Variants in DDX55 observed in about 807,000 individuals in gnomAD.
The protein encoded by DDX55 is DEAD-box helicase 55.
DDX55 carries 56 observed loss-of-function variants against 69.2 expected under a neutral mutation model. The ratio of observed to expected loss-of-function variants is 0.81; its 90% CI spans 0.65 to 1.01. DDX55 has a LOEUF of 1.01. DDX55 is among the 50% of genes least tolerant of loss of function. The probability of loss-of-function intolerance (pLI) is 0.00; values close to 1 mark genes in which losing one functional copy is unlikely to be tolerated. For synonymous variants in DDX55, 268 were observed against 273.1 expected, an observed-to-expected ratio of 0.98 and a Z score of 0.18; for missense variants, 720 against 745.1, an observed-to-expected ratio of 0.97 and a Z score of 0.39.
chr12:123,615,286 A>T lies in DDX55; in HGVS notation c.926A>T (p.Lys309Met), dbSNP rs1954570739. 1.2e-6 allele frequency: 2 copies of T among 1,614,082 alleles called. No individual in the cohort carries two copies. Among genetic ancestry groups the T allele is most frequent in the Non-Finnish European group, 1.7e-6 (2 of 1,179,964 alleles). ...GGAAAGATGAAATATAAACGCAATA[A>T]GATCTTCATGGAGTTCCGCAAATTG... ...IHGKMKYKRN[K>M]IFMEFRKLQS... Residue 309 changes from lysine to methionine, a missense_variant, in exon 9 of 14, where the codon AAG (lysine) becomes ATG (methionine). Coordinates refer to ENST00000238146, the MANE Select transcript of DDX55 (RefSeq NM_020936.3).
intron 11 of DDX55, chr12:123,618,463 T>C (rs973191496): frequency 1.6e-5 from 23 of 1,462,054 alleles, no homozygotes; most frequent in Non-Finnish European, 2.0e-5. Flanking sequence ...ATTAGGATTG[T>C]CATGTGAAAT....
At chr12:123,607,564 T>G (rs1953969319) in intron 4 of DDX55, 36 bp from the exon 5 acceptor site, 1 of 1,614,226 alleles carries the variant, frequency 6.2e-7, no homozygotes, top group Admixed American at 1.7e-5. Flanking sequence ...TGGGCTGTTT[T>G]GTCGAACTTA....
Position 123,620,579 on chromosome 12 carries a change from A to G in DDX55, c.*439A>G, listed in dbSNP as rs1320197006. 1 of 70,942 alleles carries G rather than the reference A, an allele frequency of 1.4e-5. No individual in the cohort carries two copies. The highest frequency in any genetic ancestry group is 1.8e-4 in the Admixed American group (1 of 5,710). The allele number at this position is 70,942 out of a possible 1,614,324, so 4.4% of individuals were successfully genotyped here. On this transcript the variant is annotated 3_prime_UTR_variant, in exon 14 of 14. Transcript: ENST00000238146. ...GGGTCACATATAGACATATGTACATATTATATATATATATATATATATATA... is the reference window on the plus strand; with the variant it reads ...GGGTCACATATAGACATATGTACATGTTATATATATATATATATATATATA...
In DDX55 at chr12:123,604,445, A is replaced by G. The variant is rs537764505; in HGVS notation, c.109-1486A>G. 1.1e-4 allele frequency among the ~76,000 whole-genome samples: 16 copies of G among 152,234 alleles called. 1 individual carries two copies. In the South Asian group the frequency reaches 3.3e-3, roughly 32 times the overall value. On this transcript the variant is annotated intron_variant, in intron 1 of 13. Transcript: ENST00000238146. Reference sequence around the variant, plus strand: ...GCCCATAAGATTCCCGGGAATGTGGAGAATGTATTTCCAGCAGGCAGGGCT... The same window carrying G: ...GCCCATAAGATTCCCGGGAATGTGGGGAATGTATTTCCAGCAGGCAGGGCT...
chr12:123,609,120 G>GT (rs1253710231), intron 6 of DDX55, among the ~76,000 whole-genome samples: 1 of 151,370 alleles, frequency 6.6e-6, no homozygotes. Flanking sequence ...TGCCTGGATG[G>GT]TTTTTTTATT....
Position 123,616,216 on chromosome 12 carries a change from C to T in DDX55, c.957-295C>T, listed in dbSNP as rs115137201. Among the ~76,000 whole-genome samples, 639 of 152,160 alleles carry T rather than the reference C, an allele frequency of 4.2e-3. 6 individuals carry two copies. The highest frequency in any genetic ancestry group is 0.014 in the African/African-American group (584 of 41,502). On this transcript the variant is annotated intron_variant, in intron 9 of 13. Transcript: ENST00000238146. ...GGCCTCAGTTATGGAGTGAATTGTC[C>T]GTTGTTTTTCAGATGGCTACAAAGG...
intron 11 of DDX55, chr12:123,618,161 C>CT (rs1954834622): frequency 2.5e-6 from 1 of 400,042 alleles, no homozygotes. Flanking sequence ...GGATTACAGG[C>CT]ATGCGCCACC....
chr12:123,609,941 T>C lies in DDX55; in HGVS notation c.554T>C (p.Ile185Thr). 6.2e-7 allele frequency: 1 copy of C among 1,613,202 alleles called. No homozygotes were observed. The highest frequency in any genetic ancestry group is 2.2e-5 in the East Asian group (1 of 44,886). The change falls in exon 7 of 14, where the codon ATC becomes ACC. Residue 185 changes from isoleucine (I) to threonine (T), a missense_variant and splice_region_variant. By Grantham distance (89) the Ile-to-Thr change is moderately conservative (BLOSUM62 -1). Transcript: ENST00000238146. ...AGTGTGAGCCCTCTTTTTATCAGCA[T>C]CAACACCATTCTGGAGTTTTTGCCA... ...RLLDMGFEAS[I>T]NTILEFLPKQ...
chr12:123,602,251 G>T lies in DDX55; in HGVS notation c.103G>T (p.Val35Leu). The change falls in exon 1 of 14, where the codon GTG (valine) becomes TTG (leucine). Residue 35 changes from valine (V) to leucine (L), a missense_variant. Physicochemically the swap from Val to Leu is conservative, Grantham distance 32. Coordinates refer to ENST00000238146, the MANE Select transcript of DDX55 (RefSeq NM_020936.3). ...RELGFPYMTP[V>L]QSATIPLFMR... ...GCTGGGCTTCCCGTACATGACGCCG[G>T]TGCAGGTATCGGTTCCCTGGCGTGG... The T allele has an allele frequency of 1.3e-6, 2 of 1,561,496 alleles. No individual in the cohort carries two copies. The highest frequency in any genetic ancestry group is 1.7e-6 in the Non-Finnish European group (2 of 1,156,504).
At position 123,610,215 on chromosome 12, in the gene DDX55, C is replaced by A. The variant is rs987646324; in HGVS notation, c.741+87C>A. ...GTACTGGTAGAATAAATATGTGAGACCCTGTAGCACCTATGAAATGCATTT... is the reference window on the plus strand; with the variant it reads ...GTACTGGTAGAATAAATATGTGAGAACCTGTAGCACCTATGAAATGCATTT... On this transcript the variant is annotated intron_variant, in intron 7 of 13. Coordinates refer to ENST00000238146, the MANE Select transcript of DDX55 (RefSeq NM_020936.3). 11 of 1,451,792 alleles carry A rather than the reference C, an allele frequency of 7.6e-6. No individual in the cohort carries two copies. The African/African-American group carries it at 8.6e-5, about 11-fold the overall frequency. The allele number at this position is 1,451,792 out of a possible 1,614,324, so 89.9% of individuals were successfully genotyped here.
Position 123,620,629 on chromosome 12 carries a change from A to ATATAG in DDX55, c.*489_*490insTATAG, listed in dbSNP as rs1566211855. On this transcript the variant is annotated 3_prime_UTR_variant, in exon 14 of 14. Transcript: ENST00000238146. ...ATATATATATATATATATATATATA[A>ATATAG]GCTCTTTTTTCTGAGGCTATTTTAT... 6.6e-5 allele frequency: 4 copies of ATATAG among 60,828 alleles called. No homozygotes were observed. Among genetic ancestry groups the ATATAG allele is most frequent in the African/African-American group, 1.1e-4 (2 of 18,202 alleles). 3.8% of individuals were successfully genotyped at this position (60,828 alleles called of 1,614,324 possible).
intron 1 of DDX55, chr12:123,604,994 C>G (rs1274712152): frequency 6.6e-6 from 1 of 152,138 alleles, no homozygotes; most frequent in Admixed American, 6.5e-5. Flanking sequence ...CAGAGGACAT[C>G]ACCTCCCAAC....
rs147152712 is a variant in DDX55 at position 123,617,758 on chromosome 12, T to A, written c.1050T>A (p.Ser350Arg). 8.0e-4 allele frequency: 1,291 copies of A among 1,610,148 alleles called. 1 individual carries two copies. The highest frequency in any genetic ancestry group is 1.0e-3 in the Non-Finnish European group (1,223 of 1,178,306). ...CCATTTCCACCCTGTGTTCTCACAG[T>A]GCCTTCGTGCATCGCTGCGGTCGCA... ...VLQYDPPSNASAFVHRCGRTA... is the reference protein window; with the variant it reads ...VLQYDPPSNARAFVHRCGRTA... The change falls in exon 11 of 14, where the codon AGT (serine) becomes AGA (arginine). Residue 350 changes from serine (S) to arginine (R), a missense_variant and splice_region_variant. Transcript: ENST00000238146.
At chr12:123,610,367 A>G (rs1193088536) in intron 7 of DDX55, among the ~76,000 whole-genome samples, 1 of 152,112 alleles carries the variant, frequency 6.6e-6, no homozygotes, top group East Asian at 1.9e-4. Context: ...CCTACCCTCA[A>G]GTGACCAAAT....
rs1436064572 is a variant in DDX55 at position 123,616,618 on chromosome 12, T to G, written c.1049+15T>G. 5 of 1,610,656 alleles carry G rather than the reference T, an allele frequency of 3.1e-6. No homozygotes were observed. Among genetic ancestry groups the G allele is most frequent in the Admixed American group, 3.3e-5 (2 of 59,982 alleles). ...AGCAATGCAAGGTATGGTACGAGGC[T>G]GCCACCCACTCTCTGTTGAGGAATT... On this transcript the variant is annotated intron_variant, in intron 10 of 13. Coordinates refer to ENST00000238146, the MANE Select transcript of DDX55 (RefSeq NM_020936.3).
rs1955064468 is a variant in DDX55 at position 123,620,606 on chromosome 12, ATATATATATATATATATATAT to A, written c.*467_*487del. On this transcript the variant is annotated 3_prime_UTR_variant, in exon 14 of 14. Coordinates refer to ENST00000238146, the MANE Select transcript of DDX55 (RefSeq NM_020936.3). ...TATATATATATATATATATATATAT[ATATATATATATATATATATAT>A]AAGCTCTTTTTTCTGAGGCTATTTT... The A allele has an allele frequency of 1.3e-5, 1 of 75,890 alleles. No individual in the cohort carries two copies. The highest frequency in any genetic ancestry group is 3.3e-5 in the Non-Finnish European group (1 of 30,616). 4.7% of individuals were successfully genotyped at this position (75,890 alleles called of 1,614,324 possible). A position where few individuals can be genotyped will look rare whatever the true frequency, so the allele number is the denominator to read the frequency against.
chr12:123,609,187 A>G (rs1157904871), intron 6 of DDX55, among the ~76,000 whole-genome samples: 1 of 151,858 alleles, frequency 6.6e-6, no homozygotes, highest in Non-Finnish European at 1.5e-5. Context: ...CCTGGACTTA[A>G]GTGATCCTCC....
At position 123,620,580 on chromosome 12, in the gene DDX55, TTATATATATATATA is replaced by T. The variant is rs68169681; in HGVS notation, c.*475_*488del. 2.0e-3 allele frequency: 131 copies of T among 65,354 alleles called. No homozygotes were observed. The East Asian group carries it at 0.029, about 14-fold the overall frequency. The allele number at this position is 65,354 out of a possible 1,614,324, so 4.0% of individuals were successfully genotyped here. A position where few individuals can be genotyped will look rare whatever the true frequency, so the allele number is the denominator to read the frequency against. ...GGTCACATATAGACATATGTACATA[TTATATATATATATA>T]TATATATATATATATATATATATAT... On this transcript the variant is annotated 3_prime_UTR_variant, in exon 14 of 14. Coordinates refer to ENST00000238146, the MANE Select transcript of DDX55 (RefSeq NM_020936.3).
In DDX55 at chr12:123,620,066, G is replaced by C. The variant is rs1475363487; in HGVS notation, c.1729G>C (p.Gly577Arg). 2 of 1,614,002 alleles carry C rather than the reference G, an allele frequency of 1.2e-6. No homozygotes were observed. Among genetic ancestry groups the C allele is most frequent in the Admixed American group, 3.3e-5 (2 of 60,008 alleles). Residue 577 changes from glycine to arginine, a missense_variant, in exon 14 of 14, where the codon GGC becomes CGC. Gly to Arg is a moderately radical substitution (Grantham distance 125). Transcript: ENST00000238146. ...AATAACTGAAGAAGAATTTGAGAAGGGCTTGTTGACAACTGGCAAAAGAAC... is the reference window on the plus strand; with the variant it reads ...AATAACTGAAGAAGAATTTGAGAAGCGCTTGTTGACAACTGGCAAAAGAAC... Reference protein sequence around the residue: ...GKITEEEFEKGLLTTGKRTIK... With the variant: ...GKITEEEFEKRLLTTGKRTIK...
Sources: gnomAD v4.1 joint callset for allele counts (sites outside exome capture counted in the v4.1 genomes callset) on GRCh38, gnomAD v4.1.1 for gene constraint, MANE v1.5 for transcripts, NCBI Gene and HGNC (gene_info 2026-07-23, HGNC 2026-07-21) for gene names.